Variants in SNX29 observed in about 807,000 individuals in gnomAD.
SNX29 encodes sorting nexin 29, also known as sorting nexin-29.
In SNX29, 78 loss-of-function variants were observed where a neutral mutation model predicts 102.1. The observed-to-expected ratio is 0.76, with a 90% CI of 0.64 to 0.92. The LOEUF is 0.92. Ranked by LOEUF, SNX29 falls within the 40% of genes least tolerant of loss-of-function variation. The pLI is 0.00. For missense variants in SNX29, 1,280 were observed against 1,061.7 expected (o/e 1.21, Z -2.86); for synonymous variants, 580 against 414.5 (o/e 1.40, Z -4.85).
rs532206261 is a variant in SNX29 at position 12,217,516 on chromosome 16, A to G, written c.1678+17833A>G. ...TGTCTAACACCTGTAGACAGGTAGT[A>G]CAGGTAGTATATCTACCACCTGTAG... On this transcript the variant is annotated intron_variant, in intron 14 of 20. Transcript: ENST00000566228. Among the ~76,000 whole-genome samples the G allele has an allele frequency of 1.1e-4, 17 of 152,306 alleles. No individual in the cohort carries two copies. The South Asian group carries it at 3.5e-3, about 32-fold the overall frequency.
At chr16:12,439,880 C>A (rs10048121) in intron 18 of SNX29, among the ~76,000 whole-genome samples, 3,879 of 152,300 alleles carry the variant, frequency 0.025, 83 homozygotes, top group East Asian at 0.097. Flanking sequence ...GGGTGCTCCC[C>A]AGATGCCAAG....
intron 20 of SNX29, among the ~76,000 whole-genome samples, chr16:12,558,271 A>G (rs1369422066): frequency 6.6e-6 from 1 of 152,112 alleles, no homozygotes; most frequent in Non-Finnish European, 1.5e-5. Context: ...CTGAAATGTC[A>G]GGCTGAGCCA....
chr16:12,224,401 T>C (rs943193034), intron 14 of SNX29, among the ~76,000 whole-genome samples: 3 of 152,152 alleles, frequency 2.0e-5, no homozygotes, highest in Non-Finnish European at 4.4e-5. Context: ...TGAGACATGG[T>C]CACTCCCCCT....
At chr16:12,257,886 GT>G (rs1365249496) in intron 14 of SNX29, among the ~76,000 whole-genome samples, 2 of 152,084 alleles carry the variant, frequency 1.3e-5, no homozygotes, top group African/African-American at 4.8e-5. Flanking sequence ...GTCATCCTGT[GT>G]TTTTCCGCAG....
chr16:12,545,159 C>A (rs1261427757), intron 20 of SNX29, among the ~76,000 whole-genome samples: 2 of 152,180 alleles, frequency 1.3e-5, no homozygotes, highest in Admixed American at 1.3e-4. Context: ...TACAGACACT[C>A]TGCCAGCCGT....
At chr16:12,401,414 G>C (rs1293769049) in intron 17 of SNX29, among the ~76,000 whole-genome samples, 9 of 142,752 alleles carry the variant, frequency 6.3e-5, no homozygotes, top group Non-Finnish European at 1.2e-4. Context: ...GCCCAGGCTG[G>C]AGTGCAGTGG....
chr16:12,473,050 A>G (rs539692335), intron 18 of SNX29, among the ~76,000 whole-genome samples: 1 of 152,244 alleles, frequency 6.6e-6, no homozygotes, highest in Admixed American at 6.5e-5. Flanking sequence ...TTTATGGCTC[A>G]AGCAGAAGGA....
At position 11,984,383 on chromosome 16, in the gene SNX29, A is replaced by AAAAAAAAG. The variant is rs71139570; in HGVS notation, c.7+7574_7+7575insAAAGAAAA. Among the ~76,000 whole-genome samples the AAAAAAAAG allele has an allele frequency of 9.0e-3, 1,300 of 145,112 alleles. 26 individuals carry two copies. Among genetic ancestry groups the AAAAAAAAG allele is most frequent in the African/African-American group, 0.03 (1,180 of 39,236 alleles). On this transcript the variant is annotated intron_variant, in intron 1 of 20. Coordinates refer to ENST00000566228, the MANE Select transcript of SNX29 (RefSeq NM_032167.5). ...CCCTCAGACCCTGTCTCAAAAAAAA[A>AAAAAAAAG]AAAAGAAAAGATTGAGACTGATATA...
At chr16:12,373,146 T>A (rs2082744391) in intron 16 of SNX29, 1 of 152,258 alleles carries the variant, frequency 6.6e-6, no homozygotes, top group African/African-American at 2.4e-5. Context: ...ATTTTTAATT[T>A]TTTTAAGAGA....
intron 15 of SNX29, among the ~76,000 whole-genome samples, chr16:12,320,312 C>T (rs1196506846): frequency 6.6e-6 from 1 of 152,042 alleles, no homozygotes; most frequent in African/African-American, 2.4e-5. Flanking sequence ...TTGGAAGGGG[C>T]TTGGAAGGAA....
At chr16:12,338,007 C>A (rs114668678) in intron 15 of SNX29, among the ~76,000 whole-genome samples, 2 of 152,270 alleles carry the variant, frequency 1.3e-5, no homozygotes, top group South Asian at 4.1e-4. Context: ...CTCTTCACAG[C>A]GACTGCCAGA....
At chr16:12,057,308 G>A (rs2050560638) in intron 8 of SNX29, among the ~76,000 whole-genome samples, 1 of 152,148 alleles carries the variant, frequency 6.6e-6, no homozygotes, top group Non-Finnish European at 1.5e-5. Flanking sequence ...TTGGGTTGGC[G>A]CCCTGGTGGA....
chr16:11,996,762 A>C (rs2056088906), intron 1 of SNX29, among the ~76,000 whole-genome samples: 1 of 152,144 alleles, frequency 6.6e-6, no homozygotes, highest in African/African-American at 2.4e-5. Context: ...TCTGAAACAA[A>C]GAGCGTTTGA....
chr16:12,134,056 C>T (rs191944105), intron 13 of SNX29, among the ~76,000 whole-genome samples: 1 of 152,312 alleles, frequency 6.6e-6, no homozygotes, highest in Non-Finnish European at 1.5e-5. Context: ...TAATCATTTG[C>T]AATTAAGGCT....
chr16:12,263,103 A>T (rs1340949663), intron 14 of SNX29, among the ~76,000 whole-genome samples: 1 of 150,840 alleles, frequency 6.6e-6, no homozygotes, highest in Non-Finnish European at 1.5e-5. Context: ...TATTATTGTC[A>T]TGTCCTCTCT....
Position 12,285,919 on chromosome 16 carries a change from G to C in SNX29, c.1782+7883G>C, listed in dbSNP as rs545010296. ...TGCCCAGGCTGGAGTGCAGTGGTAC[G>C]ATCTCAGCTCACTACAACCTCCGCC... is the stretch of plus-strand genomic sequence containing the variant. On this transcript the variant is annotated intron_variant, in intron 15 of 20. Coordinates refer to ENST00000566228, the MANE Select transcript of SNX29 (RefSeq NM_032167.5). 1.9e-4 allele frequency among the ~76,000 whole-genome samples: 29 copies of C among 152,154 alleles called. No individual in the cohort carries two copies. The South Asian group carries it at 6.0e-3, about 32-fold the overall frequency.
At chr16:12,543,988 A>T (rs1407573548) in intron 20 of SNX29, among the ~76,000 whole-genome samples, 1 of 152,198 alleles carries the variant, frequency 6.6e-6, no homozygotes, top group Admixed American at 6.5e-5. Context: ...CCAAGGTCAC[A>T]CCATGGGTTA....
At chr16:12,552,369 T>G (rs1465115760) in intron 20 of SNX29, among the ~76,000 whole-genome samples, 1 of 152,146 alleles carries the variant, frequency 6.6e-6, no homozygotes, top group Non-Finnish European at 1.5e-5. Flanking sequence ...AATACACGTG[T>G]AAGACAGCAA....
chr16:12,146,896 C>G, intron 13 of SNX29, among the ~76,000 whole-genome samples: 1 of 152,038 alleles, frequency 6.6e-6, no homozygotes, highest in South Asian at 2.1e-4. Flanking sequence ...ATTTTGTAAC[C>G]AGTATAGGTT....
Sources: allele counts gnomAD v4.1 joint callset (sites outside exome capture counted in the v4.1 genomes callset), GRCh38; gene constraint gnomAD v4.1.1; transcripts MANE v1.5; gene names NCBI Gene and HGNC (gene_info 2026-07-23, HGNC 2026-07-21).